Variants in LY6S observed in about 807,000 individuals in gnomAD.
LY6S encodes lymphocyte antigen 6 family member S, also known as lymphocyte antigen 6S.
chr8:143,057,472 A>T, the LY6S span: 4 of 636,664 alleles, frequency 6.3e-6, no homozygotes, highest in East Asian at 6.2e-5. Flanking sequence ...CTGGTTTCGA[A>T]CTCCTGACCT....
the LY6S span, among the ~76,000 whole-genome samples, chr8:143,049,547 C>A: frequency 6.6e-6 from 1 of 152,222 alleles, no homozygotes; most frequent in Non-Finnish European, 1.5e-5. Context: ...CCCCCAGACC[C>A]ATGCGAAGAC....
chr8:143,068,703 G>A, the LY6S span, among the ~76,000 whole-genome samples: 1 of 152,026 alleles, frequency 6.6e-6, no homozygotes, highest in Non-Finnish European at 1.5e-5. Context: ...TATATTTATA[G>A]TGGTTGTTAT....
the LY6S span, among the ~76,000 whole-genome samples, chr8:143,052,244 G>A: frequency 6.6e-6 from 1 of 152,206 alleles, no homozygotes; most frequent in Middle Eastern, 3.4e-3. Context: ...TCGCACCACT[G>A]CACTCCAGCC....
the LY6S span, among the ~76,000 whole-genome samples, chr8:143,041,263 G>A: frequency 6.6e-6 from 1 of 152,284 alleles, no homozygotes; most frequent in Admixed American, 6.5e-5. Flanking sequence ...CGTCCCCAAA[G>A]CAGACATTTC....
At chr8:143,056,261 C>T in the LY6S span, among the ~76,000 whole-genome samples, 1 of 148,590 alleles carries the variant, frequency 6.7e-6, no homozygotes, top group Admixed American at 6.8e-5. Context: ...TGAGTCACAT[C>T]GGGAAACATA....
the LY6S span, chr8:143,042,284 A>G: frequency 6.6e-6 from 1 of 152,364 alleles, no homozygotes; most frequent in African/African-American, 2.4e-5. Context: ...ACGGGGCATC[A>G]TGGGAGCCCT....
chr8:143,070,477 A>ATTTTT, the LY6S span, among the ~76,000 whole-genome samples: 1 of 11,322 alleles, frequency 8.8e-5, no homozygotes, highest in African/African-American at 1.8e-4. Flanking sequence ...ATATATATAA[A>ATTTTT]TATATATATA....
chr8:143,052,538 C>T, the LY6S span, among the ~76,000 whole-genome samples: 1 of 152,186 alleles, frequency 6.6e-6, no homozygotes, highest in Non-Finnish European at 1.5e-5. Flanking sequence ...CCTTTCGAGG[C>T]TTTAAATACC....
the LY6S span, among the ~76,000 whole-genome samples, chr8:143,065,089 G>A: frequency 6.6e-6 from 1 of 152,198 alleles, no homozygotes; most frequent in Non-Finnish European, 1.5e-5. Context: ...TTTTGGGCTG[G>A]AGCTTCTTGC....
the LY6S span, among the ~76,000 whole-genome samples, chr8:143,070,483 ATATATATTT>A: frequency 7.9e-3 from 680 of 85,754 alleles, 25 homozygotes; most frequent in East Asian, 0.052. Flanking sequence ...ATAAATATAT[ATATATATTT>A]TTTTTTTTTT....
chr8:143,061,261 T>TAA, the LY6S span, among the ~76,000 whole-genome samples: 7,267 of 142,118 alleles, frequency 0.051, 582 homozygotes, highest in African/African-American at 0.17. Context: ...CCCTGTCTCT[T>TAA]AAAAAAAAAA....
the LY6S span, among the ~76,000 whole-genome samples, chr8:143,070,149 CTG>C: frequency 6.6e-6 from 1 of 151,704 alleles, no homozygotes; most frequent in East Asian, 1.9e-4. Flanking sequence ...GGTTGCCCCT[CTG>C]TGTGTGTCTG....
At chr8:143,061,384 G>T in the LY6S span, among the ~76,000 whole-genome samples, 1 of 152,138 alleles carries the variant, frequency 6.6e-6, no homozygotes, top group Admixed American at 6.5e-5. Context: ...AACACAACAC[G>T]ACAATATTTT....
At chr8:143,040,861 G>A in the LY6S span, among the ~76,000 whole-genome samples, 1,319 of 151,978 alleles carry the variant, frequency 8.7e-3, 12 homozygotes, top group African/African-American at 0.028. Context: ...CTGGGCGTCC[G>A]GGGGAGACAT....
chr8:143,065,716 C>T, the LY6S span, among the ~76,000 whole-genome samples: 1 of 152,022 alleles, frequency 6.6e-6, no homozygotes, highest in Non-Finnish European at 1.5e-5. Flanking sequence ...TTGTGTGTGG[C>T]CGGTTGTCCC....
chr8:143,059,387 T>C, the LY6S span, among the ~76,000 whole-genome samples: 1 of 152,138 alleles, frequency 6.6e-6, no homozygotes, highest in Non-Finnish European at 1.5e-5. Flanking sequence ...TTTGGGGTCA[T>C]GATTTACTGA....
At chr8:143,066,224 A>G in the LY6S span, 1 of 224,784 alleles carries the variant, frequency 4.4e-6, no homozygotes, top group Non-Finnish European at 8.4e-6. Flanking sequence ...GCTGGAGTGC[A>G]GAGGCGCAAT....
At chr8:143,075,605 G>A in the LY6S span, among the ~76,000 whole-genome samples, 2 of 152,176 alleles carry the variant, frequency 1.3e-5, no homozygotes, top group Admixed American at 1.3e-4. This position sits in a 1 kb window ranked among gnomAD's most constrained non-coding sequence, Gnocchi z 4.1. Flanking sequence ...TTAGGAAGCT[G>A]AGACAGGAGA....
chr8:143,048,566 C>T, the LY6S span, among the ~76,000 whole-genome samples: 2 of 150,736 alleles, frequency 1.3e-5, no homozygotes, highest in Non-Finnish European at 2.9e-5. Flanking sequence ...CCTCCTGGTT[C>T]AAGCGATTCT....
Sources: gnomAD v4.1 joint callset for allele counts (sites outside exome capture counted in the v4.1 genomes callset) on GRCh38, gnomAD v4.1.1 for gene constraint, Gnocchi (gnomAD v3.1) non-coding constraint, MANE v1.5 for transcripts, NCBI Gene and HGNC (gene_info 2026-07-23, HGNC 2026-07-21) for gene names.